The following EIF2S3B variants were observed in gnomAD, a reference collection of about 807,000 sequenced individuals.
EIF2S3B encodes the protein eukaryotic translation initiation factor 2 subunit 3B.
In EIF2S3B, 16 loss-of-function variants were observed where a neutral mutation model predicts 26.4. The ratio of observed to expected loss-of-function variants is 0.61; its 90% CI spans 0.41 to 0.92. EIF2S3B has a LOEUF of 0.92. Ranked by LOEUF, EIF2S3B falls within the 40% of genes least tolerant of loss-of-function variation. The probability of loss-of-function intolerance (pLI) is 0.00; values close to 1 mark genes in which losing one functional copy is unlikely to be tolerated. For synonymous variants in EIF2S3B, 183 were observed against 204.4 expected (o/e 0.90, Z 0.89); for missense variants, 510 against 575.5 (o/e 0.89, Z 1.16).
rs1403138755 is a variant in EIF2S3B at position 10,507,302 on chromosome 12, C to T, written c.1400C>T (p.Pro467Leu). ...ATAAGAAGAGGAGTGACAATCAAGCCAACAGTAGATGATGACTGAAGAATA... is the reference window on the plus strand; with the variant it reads ...ATAAGAAGAGGAGTGACAATCAAGCTAACAGTAGATGATGACTGAAGAATA... ...GQIRRGVTIK[P>L]TVDDD The change falls in exon 1 of 1, where the codon CCA becomes CTA. Residue 467 changes from proline (P) to leucine (L), a missense_variant. By Grantham distance (98) the Pro-to-Leu change is moderately conservative. Coordinates refer to ENST00000538173, the MANE Select transcript of EIF2S3B (RefSeq NM_001357734.3). 6.2e-7 allele frequency: 1 copy of T among 1,613,014 alleles called. No homozygotes were observed. The highest frequency in any genetic ancestry group is 1.3e-5 in the African/African-American group (1 of 74,870).
chr12:10,521,729 A>G (rs960869459), intron 1 of EIF2S3B, among the ~76,000 whole-genome samples: 4 of 152,214 alleles, frequency 2.6e-5, no homozygotes, highest in Admixed American at 6.5e-5. Context: ...ATGAGTATTT[A>G]AAGACTGTGA....
chr12:10,516,588 T>C (rs1407037375), intron 1 of EIF2S3B, among the ~76,000 whole-genome samples: 1 of 152,104 alleles, frequency 6.6e-6, no homozygotes, highest in Non-Finnish European at 1.5e-5. Context: ...TTTTCCTAAT[T>C]GAATACCCTT....
At chr12:10,522,448 C>G (rs888737540) in intron 1 of EIF2S3B, among the ~76,000 whole-genome samples, 3 of 152,144 alleles carry the variant, frequency 2.0e-5, no homozygotes, top group Admixed American at 1.3e-4. Flanking sequence ...AATTTGTCAT[C>G]AAATCAGGAC....
intron 1 of EIF2S3B, among the ~76,000 whole-genome samples, chr12:10,518,712 A>G (rs1205516938): frequency 2.0e-5 from 3 of 151,880 alleles, no homozygotes; most frequent in African/African-American, 7.3e-5. Context: ...TTATACACCA[A>G]CAACAGACAA....
chr12:10,517,209 TG>T (rs1864766644), intron 1 of EIF2S3B, among the ~76,000 whole-genome samples: 1 of 152,236 alleles, frequency 6.6e-6, no homozygotes, highest in African/African-American at 2.4e-5. Flanking sequence ...CTTGTATCTC[TG>T]GTAGAATTCA....
intron 1 of EIF2S3B, among the ~76,000 whole-genome samples, chr12:10,521,653 T>C (rs1864833929): frequency 6.6e-6 from 1 of 152,190 alleles, no homozygotes; most frequent in Non-Finnish European, 1.5e-5. Context: ...ATGAAAATAT[T>C]TCCTTTTCTA....
intron 1 of EIF2S3B, among the ~76,000 whole-genome samples, chr12:10,518,848 G>C (rs550778857): frequency 2.6e-5 from 4 of 151,502 alleles, no homozygotes; most frequent in Non-Finnish European, 5.9e-5. Flanking sequence ...CACTGCTCAA[G>C]GAAATAAAAG....
At chr12:10,509,168 A>AT (rs1166736849), downstream of EIF2S3B, among the ~76,000 whole-genome samples, 1 of 152,008 alleles carries the variant, frequency 6.6e-6, no homozygotes, top group Non-Finnish European at 1.5e-5. Context: ...TTACTGTGAG[A>AT]TTTTTATCAA....
intron 1 of EIF2S3B, among the ~76,000 whole-genome samples, chr12:10,516,838 C>T (rs1591636056): frequency 6.6e-6 from 1 of 152,052 alleles, no homozygotes; most frequent in South Asian, 2.1e-4. Flanking sequence ...TGAATTTTGT[C>T]AAAGGCCTTT....
At chr12:10,514,008 C>A (rs973090048) in intron 1 of EIF2S3B, among the ~76,000 whole-genome samples, 1 of 152,074 alleles carries the variant, frequency 6.6e-6, no homozygotes, top group African/African-American at 2.4e-5. Flanking sequence ...GAGCGAGACT[C>A]CATCTCAAAA....
At chr12:10,521,384 A>G (rs183895420) in intron 1 of EIF2S3B, among the ~76,000 whole-genome samples, 57 of 152,186 alleles carry the variant, frequency 3.7e-4, no homozygotes, top group Admixed American at 3.2e-3. Context: ...CTGCAGAGTG[A>G]TGTTTTTTTT....
chr12:10,521,861 A>C (rs945042823), intron 1 of EIF2S3B, among the ~76,000 whole-genome samples: 2 of 152,212 alleles, frequency 1.3e-5, no homozygotes, highest in Admixed American at 6.5e-5. Context: ...AGTGAGCTCA[A>C]GATTTTCTGA....
chr12:10,522,760 A>AT, exon 2 of EIF2S3B: 1 of 640,232 alleles, frequency 1.6e-6, no homozygotes, highest in Non-Finnish European at 2.8e-6. Context: ...TGCTCTGGAG[A>AT]TTCTTTGCAG....
rs1289286543 is a variant in EIF2S3B, at chr12:10,506,087, C to T, written c.185C>T (p.Ser62Phe). 6.3e-7 allele frequency: 1 copy of T among 1,598,236 alleles called. No individual in the cohort carries two copies. Among genetic ancestry groups the T allele is most frequent in the East Asian group, 2.2e-5 (1 of 44,832 alleles). Residue 62 changes from serine (S) to phenylalanine (F), a missense_variant, in exon 1 of 1, where the codon TCT (serine) becomes TTT (phenylalanine). Physicochemically the swap from Ser to Phe is radical, Grantham distance 155. Coordinates refer to ENST00000538173, the MANE Select transcript of EIF2S3B (RefSeq NM_001357734.3). ...AAATCCACAGTCGTCAAAGCTATTTCTGGAGTTCACACCGTCAGGTTCAAA... is the reference window on the plus strand; with the variant it reads ...AAATCCACAGTCGTCAAAGCTATTTTTGGAGTTCACACCGTCAGGTTCAAA... ...HGKSTVVKAI[S>F]GVHTVRFKNE...
rs1864653897 is a variant in EIF2S3B, at chr12:10,507,594, T to G, written c.*273T>G. Reference sequence around the variant, plus strand: ...AATGTCAAAATTATACATTATGCAGTTTTTTTGTTTGTTTTATTTTGTTTT... The same window carrying G: ...AATGTCAAAATTATACATTATGCAGGTTTTTTGTTTGTTTTATTTTGTTTT... On this transcript the variant is annotated 3_prime_UTR_variant, in exon 1 of 1. Transcript: ENST00000538173. 5.4e-6 allele frequency: 3 copies of G among 555,758 alleles called. No individual in the cohort carries two copies. Among genetic ancestry groups the G allele is most frequent in the East Asian group, 3.0e-5 (1 of 33,476 alleles). The allele number at this position is 555,758 out of a possible 1,614,324, so 34.4% of individuals were successfully genotyped here.
intron 1 of EIF2S3B, among the ~76,000 whole-genome samples, chr12:10,519,330 C>T (rs1864802979): frequency 6.6e-6 from 1 of 151,874 alleles, no homozygotes; most frequent in Non-Finnish European, 1.5e-5. Context: ...AACTGGATCC[C>T]TTCCTTACAC....
intron 1 of EIF2S3B, among the ~76,000 whole-genome samples, chr12:10,517,482 T>A (rs1023339082): frequency 5.9e-5 from 9 of 152,196 alleles, no homozygotes; most frequent in Non-Finnish European, 7.3e-5. Context: ...TTTTATTGTG[T>A]CTATTTGATT....
At chr12:10,521,395 T>TC (rs1864830660) in intron 1 of EIF2S3B, among the ~76,000 whole-genome samples, 1 of 152,154 alleles carries the variant, frequency 6.6e-6, no homozygotes, top group Admixed American at 6.6e-5. Flanking sequence ...TGTTTTTTTT[T>TC]CAATTTATAG....
exon 2 of EIF2S3B, chr12:10,522,891 A>T: frequency 2.4e-6 from 1 of 419,156 alleles, no homozygotes; most frequent in Non-Finnish European, 4.3e-6. Flanking sequence ...TTTATTATTT[A>T]TATCAGTCCA....
Sources: allele counts gnomAD v4.1 joint callset (sites outside exome capture counted in the v4.1 genomes callset), GRCh38; gene constraint gnomAD v4.1.1; transcripts MANE v1.5; gene names NCBI Gene and HGNC (gene_info 2026-07-23, HGNC 2026-07-21).